Variants in HNRNPH1 observed in about 807,000 individuals in gnomAD.
HNRNPH1 encodes heterogeneous nuclear ribonucleoprotein H1.
A neutral mutation model predicts 58.6 loss-of-function variants in HNRNPH1; 4 were observed. The observed-to-expected ratio is 0.07, with a 90% CI of 0.03 to 0.16. The LOEUF is 0.16. Among genes scored for constraint, HNRNPH1 ranks in the 10% least tolerant of loss-of-function variants. The probability of loss-of-function intolerance (pLI) is 1.00; values close to 1 mark genes in which losing one functional copy is unlikely to be tolerated. For synonymous variants in HNRNPH1, 192 were observed against 189.2 expected (o/e 1.01, Z -0.12); for missense variants, 271 against 564.2 (o/e 0.48, Z 5.26).
chr5:179,618,593 A>C, intron 4 of HNRNPH1: 1 of 276,386 alleles, frequency 3.6e-6, no homozygotes, highest in Non-Finnish European at 6.8e-6. Flanking sequence ...CTGTAAATAA[A>C]TGTTTTAGGA....
chr5:179,623,116 T>C (rs1284077602), exon 1 of HNRNPH1: 2 of 1,606,752 alleles, frequency 1.2e-6, no homozygotes. Context: ...CCTCTCCACC[T>C]TCCGTGCCCA....
intron 2 of HNRNPH1, among the ~76,000 whole-genome samples, chr5:179,633,461 A>ATTTTTTTTTTTTTTTTT (rs762139490): frequency 4.9e-5 from 5 of 102,600 alleles, no homozygotes; most frequent in Non-Finnish European, 7.3e-5. Context: ...CACCCGGCTA[A>ATTTTTTTTTTTTTTTTT]TTTTTTTTTT....
chr5:179,621,436 T>C (rs2127676209), intron 1 of HNRNPH1, 39 bp from the exon 3 acceptor site: 1 of 1,575,530 alleles, frequency 6.3e-7, no homozygotes, highest in Non-Finnish European at 8.7e-7. Context: ...ATTTAAAACC[T>C]AAAACCACCT....
chr5:179,619,767 T>TAC (rs1771401176), intron 3 of HNRNPH1: 1 of 157,264 alleles, frequency 6.4e-6, no homozygotes, highest in African/African-American at 2.4e-5. Context: ...AAACACCTTT[T>TAC]ACCTCATTTT....
chr5:179,629,625 T>TA (rs1477114236), upstream of HNRNPH1, among the ~76,000 whole-genome samples: 2 of 152,188 alleles, frequency 1.3e-5, no homozygotes, highest in African/African-American at 4.8e-5. Flanking sequence ...TGGTGGGACT[T>TA]AAAATTGATG....
intron 11 of HNRNPH1, chr5:179,615,806 T>C (rs966262339): frequency 9.6e-6 from 5 of 520,298 alleles, no homozygotes; most frequent in African/African-American, 1.9e-5. Context: ...CTTTATTTAA[T>C]GTTTTAATAC....
intron 4 of HNRNPH1, chr5:179,619,015 T>C (rs992050984): frequency 1.5e-5 from 4 of 274,278 alleles, no homozygotes; most frequent in East Asian, 6.7e-5. Context: ...TTTAAAGCCA[T>C]AGTCTCTCAA....
chr5:179,624,533 C>T (rs1433324385), exon 1 of HNRNPH1: 2 of 398,692 alleles, frequency 5.0e-6, no homozygotes, highest in South Asian at 1.3e-4. Context: ...GGTAGGTTAC[C>T]GCTGCATCTC....
intron 2 of HNRNPH1, among the ~76,000 whole-genome samples, chr5:179,630,593 C>T (rs1281565578): frequency 6.6e-6 from 1 of 151,986 alleles, no homozygotes; most frequent in East Asian, 1.9e-4. Context: ...TACACCCTCT[C>T]GCTCAGGGCT....
At chr5:179,623,114 C>A in exon 1 of HNRNPH1, 2 of 1,607,790 alleles carry the variant, frequency 1.2e-6, no homozygotes, top group Non-Finnish European at 1.7e-6. Context: ...TCCCTCTCCA[C>A]CTTCCGTGCC....
intron 1 of HNRNPH1, chr5:179,621,732 A>G: frequency 2.6e-6 from 1 of 386,542 alleles, no homozygotes; most frequent in South Asian, 2.1e-5. Context: ...ACTTTACGGC[A>G]AACATACTTC....
At chr5:179,623,330 T>C (rs997688821) in exon 1 of HNRNPH1, 5 of 431,126 alleles carry the variant, frequency 1.2e-5, no homozygotes, top group Non-Finnish European at 2.2e-5. Flanking sequence ...CCCAAAGCTG[T>C]CCTGAGCAAC....
upstream of HNRNPH1, among the ~76,000 whole-genome samples, chr5:179,627,102 C>A (rs1774465764): frequency 6.6e-6 from 1 of 152,152 alleles, no homozygotes; most frequent in African/African-American, 2.4e-5. Context: ...ATACTTCTTA[C>A]AGTTTACAGA....
At chr5:179,620,813 C>T in intron 3 of HNRNPH1, 79 bp downstream of exon 4, 1 of 1,292,634 alleles carries the variant, frequency 7.7e-7, no homozygotes, top group Non-Finnish European at 1.1e-6. Context: ...ACCTAAGCTA[C>T]TCAACTTTAA....
intron 3 of HNRNPH1, chr5:179,620,182 A>T (rs1474959205): frequency 6.6e-6 from 1 of 152,252 alleles, no homozygotes; most frequent in African/African-American, 2.4e-5. Context: ...ACTACACTAA[A>T]CCATGAAAGG....
At chr5:179,620,754 C>T in intron 3 of HNRNPH1, 138 bp downstream of exon 4, 1 of 699,616 alleles carries the variant, frequency 1.4e-6, no homozygotes, top group Non-Finnish European at 2.4e-6. Context: ...ATTTGAAGGT[C>T]TCTAGGAAGA....
chr5:179,617,702 A>G, intron 7 of HNRNPH1, 53 bp from the exon 9 acceptor site: 3 of 1,604,374 alleles, frequency 1.9e-6, no homozygotes, highest in Non-Finnish European at 2.6e-6. Flanking sequence ...CGTTACAAAA[A>G]AAACCTAAAA....
At chr5:179,629,735 G>A (rs72824556) in intron 2 of HNRNPH1, among the ~76,000 whole-genome samples, 11,975 of 151,788 alleles carry the variant, frequency 0.079, no homozygotes, top group Middle Eastern at 0.12. Context: ...TTAATAATAT[G>A]AAGTAGACTG....
At chr5:179,621,729 G>A (rs915382922) in intron 1 of HNRNPH1, 11 of 385,864 alleles carry the variant, frequency 2.9e-5, no homozygotes, top group African/African-American at 6.2e-5. Context: ...GTGACTTTAC[G>A]GCAAACATAC....
Sources: gnomAD v4.1 joint callset for allele counts (sites outside exome capture counted in the v4.1 genomes callset) on GRCh38, gnomAD v4.1.1 for gene constraint, MANE v1.5 for transcripts, NCBI Gene and HGNC (gene_info 2026-07-23, HGNC 2026-07-21) for gene names.